NEB: variants seen among roughly 807,000 people sequenced by gnomAD.
NEB encodes the protein nemaline myopathy type 2.
Under a neutral mutation model 952.2 loss-of-function variants are expected in NEB, and 512 were observed. The observed-to-expected ratio is 0.54, with a 90% CI of 0.50 to 0.58. The LOEUF (loss-of-function observed/expected upper bound fraction) is 0.58, where lower values mean the gene tolerates loss of function less well. NEB is among the 20% of genes least tolerant of loss of function. The probability of loss-of-function intolerance (pLI) is 0.00; values close to 1 mark genes in which losing one functional copy is unlikely to be tolerated. For missense variants in NEB, 8,428 were observed against 9,231.1 expected (o/e 0.91, Z 3.56); for synonymous variants, 2,900 against 3,149.8 (o/e 0.92, Z 2.66).
intron 81 of NEB, among the ~76,000 whole-genome samples, chr2:151,608,926 A>AAAAG (rs2097800472): frequency 9.2e-6 from 1 of 109,110 alleles, no homozygotes; most frequent in African/African-American, 2.6e-5. Flanking sequence ...AAAAAAAAAA[A>AAAAG]AAAAAAAGTT....
rs375957418 is a variant in NEB, at chr2:151,510,195, GA to G, written c.23347-2087del. Among the ~76,000 whole-genome samples the G allele has an allele frequency of 6.5e-4, 99 of 152,280 alleles. No individual in the cohort carries two copies. In the Middle Eastern group the frequency reaches 0.017, roughly 26 times the overall value. Reference sequence around the variant, plus strand: ...TCCTGCTAAATCAGGGAGGTTTGAGGAGTTTCTTCAGACCCCCAATAAACTT... The same window carrying G: ...TCCTGCTAAATCAGGGAGGTTTGAGGGTTTCTTCAGACCCCCAATAAACTT... On this transcript the variant is annotated intron_variant, in intron 161 of 181. Transcript: ENST00000397345.
At chr2:151,573,388 TCTC>T (rs2096714811) in intron 107 of NEB, among the ~76,000 whole-genome samples, 1 of 152,174 alleles carries the variant, frequency 6.6e-6, no homozygotes, top group South Asian at 2.1e-4. Flanking sequence ...TTTCCAGAAT[TCTC>T]CTGCCACAGA....
rs146894367 is a variant in NEB, at chr2:151,659,273, T to C, written c.5971-104A>G. On this transcript the variant is annotated intron_variant, in intron 46 of 181. Transcript: ENST00000397345. ...ATATCAATATTTCATGTATTTTTAT[T>C]AGCTAGGTTTAAATTAATTAATTTA... 740 of 627,690 alleles carry C rather than the reference T, an allele frequency of 1.2e-3. 4 individuals carry two copies. The African/African-American group carries it at 0.012, about 11-fold the overall frequency. The allele number at this position is 627,690 out of a possible 1,614,324, so 38.9% of individuals were successfully genotyped here.
rs975134897 is a variant in NEB at position 151,565,817 on chromosome 2, C to T, written c.18160G>A (p.Val6054Ile). 6 of 1,603,792 alleles carry T rather than the reference C, an allele frequency of 3.7e-6. No homozygotes were observed. In the Admixed American group the frequency reaches 6.8e-5, roughly 18 times the overall value. Residue 6054 changes from valine (V) to isoleucine (I), a missense_variant, in exon 115 of 182, where the codon GTC (valine) becomes ATC (isoleucine). Physicochemically the swap from Val to Ile is conservative, Grantham distance 29. Coordinates refer to ENST00000397345, the MANE Select transcript of NEB (RefSeq NM_001164508.2). ...AGCCACTCCAGGTCAGCTCTGTAGACATTCTGAGAGCAGGAAGAGAGATAT... is the reference window on the plus strand; with the variant it reads ...AGCCACTCCAGGTCAGCTCTGTAGATATTCTGAGAGCAGGAAGAGAGATAT... Reference protein sequence around the residue: ...RKAYDLQSDNVYRADLEWLRG... With the variant: ...RKAYDLQSDNIYRADLEWLRG...
At chr2:151,530,458 A>G (rs2153484473) in intron 145 of NEB, among the ~76,000 whole-genome samples, 1 of 152,348 alleles carries the variant, frequency 6.6e-6, no homozygotes, top group East Asian at 1.9e-4. Context: ...AGGCCAAAGT[A>G]AACTGTTCCG....
intron 157 of NEB, 82 bp from the exon 158 acceptor site, chr2:151,515,010 A>C (rs952999695): frequency 5.3e-5 from 47 of 886,370 alleles, no homozygotes; most frequent in African/African-American, 2.2e-4. Context: ...GAAAAAAAAA[A>C]CAGCATTTTC....
intron 126 of NEB, 47 bp from the exon 127 acceptor site, chr2:151,553,549 A>C: frequency 2.2e-6 from 3 of 1,348,542 alleles, no homozygotes; most frequent in South Asian, 2.4e-5. Context: ...ATTGACCATA[A>C]TAACTTTAAC....
intron 181 of NEB, among the ~76,000 whole-genome samples, chr2:151,488,143 G>A (rs150597695): frequency 0.017 from 2,530 of 152,018 alleles, 30 homozygotes; most frequent in Middle Eastern, 0.078. Flanking sequence ...TTTTGAGGGC[G>A]AGGGGAATAA....
In NEB at chr2:151,629,640, A is replaced by G. The variant is rs533613637; in HGVS notation, c.9730T>C (p.Tyr3244His). Residue 3244 changes from tyrosine (Y) to histidine (H), a missense_variant, in exon 68 of 182, where the codon TAC becomes CAC. Around this residue, in one of 11 missense-constraint regions of NEB, gnomAD observed 1,772 missense variants for 1,960.3 expected, o/e 0.90. Transcript: ENST00000397345. ...TTTGCTTCTTCATTGGCAAGTTTGT[A>G]TAGAGTCTATGAAAAGAAAGGCAAA... is the stretch of plus-strand genomic sequence containing the variant. ...QNKINYSETL[Y>H]KLANEEAKKK... The G allele has an allele frequency of 2.5e-6, 4 of 1,613,202 alleles. No individual in the cohort carries two copies. The highest frequency in any genetic ancestry group is 2.7e-5 in the African/African-American group (2 of 75,034).
chr2:151,514,531 C>T, intron 158 of NEB, 103 bp from the exon 159 acceptor site: 1 of 920,156 alleles, frequency 1.1e-6, no homozygotes, highest in Non-Finnish European at 1.8e-6. Context: ...AAAGGGTTCA[C>T]AGTTTAGTAA....
rs1451642084 is a variant in NEB at position 151,620,345 on chromosome 2, GTGTATATATATATATATATA to G, written c.10560+554_10560+573del. Reference sequence around the variant, plus strand: ...TTTTATTATATATATATGTATGTGTGTGTATATATATATATATATATATATATATATATATATATATATAT... The same window carrying G: ...TTTTATTATATATATATGTATGTGTGTATATATATATATATATATATATAT... On this transcript the variant is annotated intron_variant, in intron 72 of 181. Transcript: ENST00000397345. Among the ~76,000 whole-genome samples, 42 of 87,898 alleles carry G rather than the reference GTGTATATATATATATATATA, an allele frequency of 4.8e-4. 1 individual carries two copies. The highest frequency in any genetic ancestry group is 1.6e-3 in the Admixed American group (16 of 9,982). 57.7% of individuals were successfully genotyped at this position (87,898 alleles called of 152,430 possible).
chr2:151,639,761 T>G, intron 62 of NEB, 96 bp downstream of exon 62: 1 of 1,092,450 alleles, frequency 9.2e-7, no homozygotes. Flanking sequence ...ATAGATGCCT[T>G]TTATTACTCA....
Position 151,650,807 on chromosome 2 carries a change from C to G in NEB, c.6994G>C (p.Val2332Leu), listed in dbSNP as rs1281747723. The change falls in exon 53 of 182, where the codon GTG becomes CTG. Residue 2332 changes from valine to leucine, a missense_variant. This residue lies in a region of NEB where 1,772 missense variants were observed against 1,960.3 expected (regional missense o/e 0.90). Coordinates refer to ENST00000397345, the MANE Select transcript of NEB (RefSeq NM_001164508.2). ...FRSLQDDPKL[V>L]LSMNVAKMQS... ...ATTTTGGCTACATTCATGGACAACA[C>G]AAGTTTTGGGTCATCTTGCAGACTC... 3.1e-6 allele frequency: 5 copies of G among 1,613,826 alleles called. No individual in the cohort carries two copies. In the African/African-American group the frequency reaches 6.7e-5, roughly 22 times the overall value.
At chr2:151,688,157 C>T (rs2099517344) in intron 25 of NEB, 135 bp downstream of exon 25, 2 of 714,434 alleles carry the variant, frequency 2.8e-6, no homozygotes, top group Non-Finnish European at 4.6e-6. Context: ...GCATTTTGGC[C>T]TTAAAAGCTC....
intron 13 of NEB, among the ~76,000 whole-genome samples, chr2:151,703,910 C>T (rs1463480649): frequency 7.4e-5 from 10 of 134,700 alleles, no homozygotes; most frequent in South Asian, 2.6e-4. Flanking sequence ...TGAGGAACTG[C>T]GTTCCTTTGG....
At position 151,677,817 on chromosome 2, in the gene NEB, T is replaced by C. The variant is rs765080001; in HGVS notation, c.3568-46A>G. On this transcript the variant is annotated intron_variant, in intron 33 of 181. Transcript: ENST00000397345. Reference sequence around the variant, plus strand: ...GGAGTGAGGGCCTAGGACAGGGTTCTTTTCATGGCAGGCTCTGAACTTAAT... The same window carrying C: ...GGAGTGAGGGCCTAGGACAGGGTTCCTTTCATGGCAGGCTCTGAACTTAAT... 9 of 1,610,892 alleles carry C rather than the reference T, an allele frequency of 5.6e-6. No homozygotes were observed. In the East Asian group the frequency reaches 2.0e-4, roughly 36 times the overall value.
rs747898598 is a variant in NEB at position 151,614,535 on chromosome 2, C to T, written c.11342G>A (p.Arg3781Gln). The T allele has an allele frequency of 9.3e-6, 15 of 1,613,856 alleles. No homozygotes were observed. Among genetic ancestry groups the T allele is most frequent in the East Asian group, 4.5e-5 (2 of 44,878 alleles). Residue 3781 changes from arginine (R) to glutamine (Q), a missense_variant, in exon 77 of 182, where the codon CGG becomes CAG. Around this residue, in one of 11 missense-constraint regions of NEB, gnomAD observed 1,772 missense variants for 1,960.3 expected, o/e 0.90. Coordinates refer to ENST00000397345, the MANE Select transcript of NEB (RefSeq NM_001164508.2). ...CATCTTCGGGTCATCCTTAATGTTC[C>T]GGGCCCCAATATGGTGGCCAAGCTG... The part of the protein sequence containing the change: ...RKQLGHHIGA[R>Q]NIKDDPKMMW...
In NEB at chr2:151,498,291, C is replaced by T; in HGVS notation, c.24176G>A (p.Arg8059Lys). ...IPIPITPEMQ[R>K]VKHNQENLSS... ...AAGGTTTTCTTGATTGTGTTTGACT[C>T]TCTGCATCTCAGGAGTGATGGGGAT... Residue 8059 changes from arginine (R) to lysine (K), a missense_variant, in exon 170 of 182, where the codon AGA becomes AAA. Physicochemically the swap from Arg to Lys is conservative, Grantham distance 26. This residue lies in a region of NEB where 3,374 missense variants were observed against 3,651.5 expected (regional missense o/e 0.92). Coordinates refer to ENST00000397345, the MANE Select transcript of NEB (RefSeq NM_001164508.2). The T allele has an allele frequency of 6.4e-7, 1 of 1,551,532 alleles. No individual in the cohort carries two copies. The highest frequency in any genetic ancestry group is 8.7e-7 in the Non-Finnish European group (1 of 1,146,882).
intron 136 of NEB, 79 bp from the exon 137 acceptor site, chr2:151,540,880 A>G: frequency 8.1e-7 from 1 of 1,232,724 alleles, no homozygotes; most frequent in East Asian, 2.4e-5. Context: ...ATTCATTTCT[A>G]ACCATTCAGT....
Sources: gnomAD v4.1 joint callset for allele counts (sites outside exome capture counted in the v4.1 genomes callset) on GRCh38, gnomAD v4.1.1 for gene constraint, gnomAD v4.1.1 regional missense constraint, MANE v1.5 for transcripts, NCBI Gene and HGNC (gene_info 2026-07-23, HGNC 2026-07-21) for gene names.